The following RREB1 variants were observed in gnomAD, a reference collection of about 807,000 sequenced individuals.
The protein encoded by RREB1 is ras responsive element binding protein 1.
Under a neutral mutation model 117.8 loss-of-function variants are expected in RREB1, and 27 were observed. The observed-to-expected ratio is 0.23, with a 90% CI of 0.17 to 0.32. The LOEUF (loss-of-function observed/expected upper bound fraction) is 0.32. Ranked by LOEUF, RREB1 falls within the 10% of genes least tolerant of loss-of-function variation. The pLI is 1.00. For synonymous variants in RREB1, 1,298 were observed against 1,026.7 expected (o/e 1.26, Z -5.05); for missense variants, 2,577 against 2,378.2 (o/e 1.08, Z -1.74).
intron 1 of RREB1, among the ~76,000 whole-genome samples, chr6:7,169,335 CTG>C (rs1477751274): frequency 6.6e-6 from 1 of 152,232 alleles, no homozygotes; most frequent in Non-Finnish European, 1.5e-5. Context: ...CCCTCTGCCC[CTG>C]TGGTCCAGCA....
At chr6:7,141,717 C>T (rs1762601618) in intron 1 of RREB1, among the ~76,000 whole-genome samples, 1 of 152,226 alleles carries the variant, frequency 6.6e-6, no homozygotes, top group Non-Finnish European at 1.5e-5. Flanking sequence ...GAAAATGCTC[C>T]TTTAAGCCTT....
intron 10 of RREB1, among the ~76,000 whole-genome samples, chr6:7,235,495 A>G (rs1010039688): frequency 6.6e-6 from 1 of 152,126 alleles, no homozygotes; most frequent in South Asian, 2.1e-4. Flanking sequence ...TGTTTTTTCT[A>G]GTTTTTTGCT....
In RREB1 at chr6:7,200,244, ATGTGTGTGTGTG is replaced by A. The variant is rs70978945; in HGVS notation, c.426-10534_426-10523del. On this transcript the variant is annotated intron_variant, in intron 6 of 12. Coordinates refer to ENST00000379938, the MANE Select transcript of RREB1 (RefSeq NM_001003699.4). ...TATATATATATATGTATGTGTGTAT[ATGTGTGTGTGTG>A]TGTGTGTGTGTGTGTGTGTGTGTGT... Among the ~76,000 whole-genome samples the A allele has an allele frequency of 2.0e-3, 258 of 129,372 alleles. 2 individuals are homozygous for A. The highest frequency in any genetic ancestry group is 9.3e-3 in the South Asian group (37 of 3,978). The allele number at this position is 129,372 out of a possible 152,430, so 84.9% of individuals were successfully genotyped here. A position where few individuals can be genotyped will look rare whatever the true frequency, so the allele number is the denominator to read the frequency against.
chr6:7,160,594 T>A (rs1763604242), intron 1 of RREB1, among the ~76,000 whole-genome samples: 1 of 152,170 alleles, frequency 6.6e-6, no homozygotes, highest in Non-Finnish European at 1.5e-5. Context: ...ACTGCAGCCT[T>A]GACCTCCTGA....
Position 7,229,738 on chromosome 6 carries a change from C to A in RREB1, c.1639C>A (p.Leu547Met). 1.9e-6 allele frequency: 3 copies of A among 1,601,394 alleles called. No individual in the cohort carries two copies. Among genetic ancestry groups the A allele is most frequent in the Non-Finnish European group, 2.6e-6 (3 of 1,171,476 alleles). ...CAGCCCCAGCCTGCCGCCACCGCCCCTGAAGCTCCTCAAAGGCTCAGTGGA... is the reference window on the plus strand; with the variant it reads ...CAGCCCCAGCCTGCCGCCACCGCCCATGAAGCTCCTCAAAGGCTCAGTGGA... ...CISPSLPPPP[L>M]KLLKGSVEAA... The change falls in exon 10 of 13, where the codon CTG (leucine) becomes ATG (methionine). Residue 547 changes from leucine (L) to methionine (M), a missense_variant. By Grantham distance (15) the Leu-to-Met change is conservative. Coordinates refer to ENST00000379938, the MANE Select transcript of RREB1 (RefSeq NM_001003699.4). The surrounding 1 kb of genome is among the most constrained non-coding windows in gnomAD (Gnocchi z 4.5).
chr6:7,162,658 C>G (rs928188338), intron 1 of RREB1, among the ~76,000 whole-genome samples: 2 of 151,974 alleles, frequency 1.3e-5, no homozygotes, highest in African/African-American at 4.8e-5. Flanking sequence ...AAACCTTACC[C>G]TATGTGTAGG....
At chr6:7,117,408 T>G (rs1761457563) in intron 1 of RREB1, among the ~76,000 whole-genome samples, 2 of 131,120 alleles carry the variant, frequency 1.5e-5, no homozygotes, top group African/African-American at 5.8e-5. Context: ...TTTTTTTTTT[T>G]TTTTTTTTTT....
chr6:7,182,862 C>T (rs1764879299), intron 4 of RREB1, among the ~76,000 whole-genome samples: 1 of 152,152 alleles, frequency 6.6e-6, no homozygotes. Context: ...ATACTAAATC[C>T]TTGGAGAGAA....
intron 1 of RREB1, among the ~76,000 whole-genome samples, chr6:7,109,021 G>C (rs1266394828): frequency 1.3e-5 from 2 of 151,364 alleles, no homozygotes; most frequent in Admixed American, 6.6e-5. Context: ...CCTGCCTCGC[G>C]GGCGGGGGGG....
chr6:7,158,565 C>T (rs1763495867), intron 1 of RREB1, among the ~76,000 whole-genome samples: 2 of 152,158 alleles, frequency 1.3e-5, no homozygotes, highest in Admixed American at 1.3e-4. Flanking sequence ...CCTCCACCTC[C>T]ATACCCTTCC....
chr6:7,166,374 A>G (rs1319580617), intron 1 of RREB1, among the ~76,000 whole-genome samples: 4 of 152,388 alleles, frequency 2.6e-5, no homozygotes, highest in African/African-American at 9.6e-5. Flanking sequence ...ACACTTATCA[A>G]CCACTTATAT....
chr6:7,142,965 C>T (rs1426523190), intron 1 of RREB1, among the ~76,000 whole-genome samples: 8 of 152,262 alleles, frequency 5.3e-5, no homozygotes, highest in Non-Finnish European at 7.4e-5. Context: ...GCTTCCCAGG[C>T]GATGCAAATA....
At chr6:7,149,173 T>C (rs1763003998) in intron 1 of RREB1, among the ~76,000 whole-genome samples, 1 of 152,210 alleles carries the variant, frequency 6.6e-6, no homozygotes, top group Non-Finnish European at 1.5e-5. Context: ...TCTGCCCGCC[T>C]TGGCCTCCCA....
chr6:7,184,046 G>A (rs1260544688), intron 4 of RREB1: 1 of 152,110 alleles, frequency 6.6e-6, no homozygotes, highest in African/African-American at 2.4e-5. Context: ...TGCAATAACT[G>A]GATTCAGAAT....
chr6:7,248,454 G>A (rs1300754032), intron 12 of RREB1, 57 bp from the exon 13 acceptor site: 2 of 1,447,444 alleles, frequency 1.4e-6, no homozygotes, highest in South Asian at 1.2e-5. Context: ...GCAGAGCAGG[G>A]TGCAGTGGGT....
At chr6:7,170,278 T>C (rs1278789909) in intron 1 of RREB1, among the ~76,000 whole-genome samples, 1 of 152,118 alleles carries the variant, frequency 6.6e-6, no homozygotes, top group Non-Finnish European at 1.5e-5. Flanking sequence ...TAAACTGTAG[T>C]AGATGGTGAG....
intron 1 of RREB1, among the ~76,000 whole-genome samples, chr6:7,149,993 T>A (rs1327057344): frequency 4.2e-5 from 6 of 144,028 alleles, no homozygotes; most frequent in Non-Finnish European, 9.0e-5. Flanking sequence ...CTGGCCTGGT[T>A]GGTTTTTTTT....
At chr6:7,126,312 C>CA (rs770054384) in intron 1 of RREB1, among the ~76,000 whole-genome samples, 1 of 148,328 alleles carries the variant, frequency 6.7e-6, no homozygotes, top group East Asian at 2.0e-4. Context: ...GATTCCCCCC[C>CA]GACCCATTCT....
At chr6:7,184,450 G>A (rs1454568300) in intron 4 of RREB1, 2 of 150,572 alleles carry the variant, frequency 1.3e-5, no homozygotes, top group East Asian at 3.9e-4. Flanking sequence ...GCAGAGACGA[G>A]GTTTCACTAT....
Sources: allele counts gnomAD v4.1 joint callset (sites outside exome capture counted in the v4.1 genomes callset), GRCh38; gene constraint gnomAD v4.1.1; non-coding constraint Gnocchi (gnomAD v3.1); transcripts MANE v1.5; gene names NCBI Gene and HGNC (gene_info 2026-07-23, HGNC 2026-07-21).